Variants in ADAM12 observed in about 807,000 individuals in gnomAD.
ADAM12 encodes the protein ADAM metallopeptidase domain 12.
In ADAM12, 70 loss-of-function variants were observed where a neutral mutation model predicts 106.4. The observed-to-expected ratio is 0.66, with a 90% CI of 0.54 to 0.80. The LOEUF (loss-of-function observed/expected upper bound fraction) is 0.80. Ranked by LOEUF, ADAM12 falls within the 30% of genes least tolerant of loss-of-function variation. The pLI, the probability that ADAM12 is intolerant of heterozygous loss-of-function variation, is 0.00. For synonymous variants in ADAM12, 420 were observed against 433.5 expected, an observed-to-expected ratio of 0.97 and a Z score of 0.39; for missense variants, 1,010 against 1,171.9, an observed-to-expected ratio of 0.86 and a Z score of 2.02.
chr10:126,288,811 T>C (rs1311905503), intron 2 of ADAM12, among the ~76,000 whole-genome samples: 1 of 148,490 alleles, frequency 6.7e-6, no homozygotes, highest in Non-Finnish European at 1.5e-5. Flanking sequence ...GACCACATGG[T>C]GACACGGTGG....
At chr10:126,056,181 C>T (rs919553976) in intron 14 of ADAM12, among the ~76,000 whole-genome samples, 2 of 152,208 alleles carry the variant, frequency 1.3e-5, no homozygotes, top group Non-Finnish European at 2.9e-5. Flanking sequence ...CTAAGAGTTT[C>T]ATTCATTTGA....
At chr10:126,332,630 G>C (rs1854560295) in intron 1 of ADAM12, among the ~76,000 whole-genome samples, 1 of 152,212 alleles carries the variant, frequency 6.6e-6, no homozygotes, top group Admixed American at 6.5e-5. Context: ...GGGATGGTGA[G>C]CTTATAAGCT....
chr10:126,040,722 A>G (rs901412460), intron 18 of ADAM12, among the ~76,000 whole-genome samples: 4 of 152,210 alleles, frequency 2.6e-5, no homozygotes, highest in African/African-American at 9.7e-5. Context: ...TTAATTTAAA[A>G]AGTGAACAGC....
At chr10:126,042,293 C>T (rs1432015371) in intron 18 of ADAM12, 3 of 1,595,740 alleles carry the variant, frequency 1.9e-6, no homozygotes, top group African/African-American at 2.7e-5. Context: ...AATAAGAACT[C>T]AGAGAAAACA....
At chr10:126,358,462 C>G (rs1333407788) in intron 1 of ADAM12, among the ~76,000 whole-genome samples, 1 of 152,156 alleles carries the variant, frequency 6.6e-6, no homozygotes, top group Non-Finnish European at 1.5e-5. Context: ...ATGATAAACT[C>G]TCAACAAATT....
At chr10:126,254,191 G>GCAGCCTCCCTGGGTCTGCAGC (rs1958843038) in intron 3 of ADAM12, among the ~76,000 whole-genome samples, 1 of 152,160 alleles carries the variant, frequency 6.6e-6, no homozygotes, top group Admixed American at 6.5e-5. Flanking sequence ...GGGTCTGCAG[G>GCAGCCTCCCTGGGTCTGCAGC]CAGCCTCCCT....
chr10:126,175,960 C>T (rs1006440337), intron 3 of ADAM12, among the ~76,000 whole-genome samples: 3 of 152,198 alleles, frequency 2.0e-5, no homozygotes, highest in Non-Finnish European at 2.9e-5. Flanking sequence ...CGTAAGGTCT[C>T]TCCCTGAAGC....
At chr10:126,124,875 C>G (rs1590452985) in intron 5 of ADAM12, among the ~76,000 whole-genome samples, 1 of 117,598 alleles carries the variant, frequency 8.5e-6, no homozygotes, top group Non-Finnish European at 1.6e-5. Flanking sequence ...CTGGGTGACA[C>G]AGTGAGTGAG....
intron 17 of ADAM12, among the ~76,000 whole-genome samples, chr10:126,045,763 A>G (rs1163995657): frequency 6.6e-6 from 1 of 152,260 alleles, no homozygotes; most frequent in Non-Finnish European, 1.5e-5. Context: ...TGTTATTTTG[A>G]AACTCTTCAT....
chr10:126,365,010 T>C (rs1855861636), intron 1 of ADAM12, among the ~76,000 whole-genome samples: 1 of 152,196 alleles, frequency 6.6e-6, no homozygotes, highest in Non-Finnish European at 1.5e-5. Flanking sequence ...CCTGTCATCC[T>C]GGATGTGTCT....
chr10:126,128,886 G>A (rs572733998), intron 5 of ADAM12, among the ~76,000 whole-genome samples: 4 of 149,566 alleles, frequency 2.7e-5, no homozygotes, highest in East Asian at 2.0e-4. Flanking sequence ...TGTGGTGCGC[G>A]TGTGGGAATG....
chr10:126,135,103 A>C (rs1182310511), intron 5 of ADAM12, among the ~76,000 whole-genome samples: 2 of 151,972 alleles, frequency 1.3e-5, no homozygotes, highest in East Asian at 1.9e-4. Flanking sequence ...ATAGTAGCAA[A>C]CCCCCTACCA....
chr10:126,205,075 T>C (rs140122288), intron 3 of ADAM12, among the ~76,000 whole-genome samples: 27 of 152,252 alleles, frequency 1.8e-4, no homozygotes, highest in Admixed American at 1.4e-3. Context: ...ACCTTTCCCC[T>C]GGAGTTCCAT....
chr10:126,112,182 A>G (rs953538269), intron 6 of ADAM12, among the ~76,000 whole-genome samples: 8 of 151,970 alleles, frequency 5.3e-5, no homozygotes, highest in Non-Finnish European at 1.2e-4. Flanking sequence ...ATAAGAACAC[A>G]TGGACACAGG....
intron 11 of ADAM12, 152 bp from the exon 12 acceptor site, chr10:126,071,806 T>G: frequency 2.6e-6 from 2 of 782,474 alleles, no homozygotes; most frequent in Non-Finnish European, 4.0e-6. Context: ...AACTCAGATA[T>G]GCAGTGTCAA....
intron 2 of ADAM12, among the ~76,000 whole-genome samples, chr10:126,299,647 CT>C (rs553569187): frequency 1.4e-3 from 212 of 149,450 alleles, no homozygotes; most frequent in Non-Finnish European, 2.4e-3. Flanking sequence ...TACCATTCAG[CT>C]TTTTTTTTTC....
At chr10:126,290,306 C>A (rs1182377687) in intron 2 of ADAM12, among the ~76,000 whole-genome samples, 1 of 152,168 alleles carries the variant, frequency 6.6e-6, no homozygotes, top group Non-Finnish European at 1.5e-5. Flanking sequence ...GTCCTGTGGA[C>A]ACTTTGTTTT....
At chr10:126,350,378 A>T (rs1473239658) in intron 1 of ADAM12, among the ~76,000 whole-genome samples, 1 of 152,196 alleles carries the variant, frequency 6.6e-6, no homozygotes, top group African/African-American at 2.4e-5. Flanking sequence ...ACACACCCAC[A>T]CACAGAGTCG....
intron 1 of ADAM12, among the ~76,000 whole-genome samples, chr10:126,363,865 G>C (rs1452151899): frequency 2.0e-5 from 3 of 152,134 alleles, no homozygotes; most frequent in Non-Finnish European, 1.5e-5. Flanking sequence ...AGAGAACTAA[G>C]ACCACTTTCC....
Sources: gnomAD v4.1 joint callset for allele counts (sites outside exome capture counted in the v4.1 genomes callset) on GRCh38, gnomAD v4.1.1 for gene constraint, MANE v1.5 for transcripts, NCBI Gene and HGNC (gene_info 2026-07-23, HGNC 2026-07-21) for gene names.